The following GRIA2 variants were observed in gnomAD, a reference collection of about 807,000 sequenced individuals.
GRIA2 encodes the protein glutamate ionotropic receptor AMPA type subunit 2, also known as glutamate receptor 2.
GRIA2 carries 14 observed loss-of-function variants against 97.3 expected under a neutral mutation model. That is an observed-to-expected ratio of 0.14 (90% CI 0.10 to 0.23). The LOEUF (loss-of-function observed/expected upper bound fraction) is 0.23. GRIA2 is among the 10% of genes least tolerant of loss of function. The pLI, the probability that GRIA2 is intolerant of heterozygous loss-of-function variation, is 1.00. For synonymous variants in GRIA2, 412 were observed against 387.8 expected (o/e 1.06, Z -0.73); for missense variants, 558 against 1,069.8 (o/e 0.52, Z 6.67).
At chr4:157,245,530 A>G (rs190479836) in intron 2 of GRIA2, among the ~76,000 whole-genome samples, 1 of 152,120 alleles carries the variant, frequency 6.6e-6, no homozygotes, top group Non-Finnish European at 1.5e-5. Flanking sequence ...AAATCTAATA[A>G]CTTTGGAAAA....
In GRIA2 at chr4:157,307,682, G is replaced by T. The variant is rs192078073; in HGVS notation, c.469+3891G>T. Among the ~76,000 whole-genome samples the T allele has an allele frequency of 2.7e-3, 405 of 152,290 alleles. 4 individuals are homozygous for T. The highest frequency in any genetic ancestry group is 9.2e-3 in the African/African-American group (382 of 41,564). On this transcript the variant is annotated intron_variant, in intron 3 of 15. Coordinates refer to ENST00000264426, the MANE Select transcript of GRIA2 (RefSeq NM_001083619.3). ...TGAATCAGGACTTAATCCAAATGTG[G>T]TTTTTATTTATTGGTTTAGTGTCAA...
intron 9 of GRIA2, 138 bp from the exon 10 acceptor site, chr4:157,335,533 T>G (rs1735243773): frequency 1.6e-6 from 1 of 629,010 alleles, no homozygotes; most frequent in Non-Finnish European, 2.8e-6. Context: ...ATTATTCCTC[T>G]ACTGTTGTGT....
chr4:157,248,779 AC>A (rs1421567132), intron 2 of GRIA2, among the ~76,000 whole-genome samples: 1 of 21,570 alleles, frequency 4.6e-5, no homozygotes, highest in Non-Finnish European at 8.1e-5. Context: ...CCTTTCTTTC[AC>A]TATATATATA....
rs369503645 is a variant in GRIA2, at chr4:157,362,790, A to G, written c.2407-9A>G. The stretch of plus-strand genomic sequence containing the variant: ...TTCCTAATAACCTCTTCTCATATAC[A>G]TTCTTTAGGAAAAGACCAGTGCCCT... On this transcript the variant is annotated splice_polypyrimidine_tract_variant and intron_variant, in intron 14 of 15. Transcript: ENST00000264426. 7.5e-6 allele frequency: 12 copies of G among 1,608,292 alleles called. No individual in the cohort carries two copies. The African/African-American group carries it at 1.2e-4, about 16-fold the overall frequency.
At chr4:157,332,020 A>G (rs1579370252) in intron 6 of GRIA2, among the ~76,000 whole-genome samples, 1 of 152,172 alleles carries the variant, frequency 6.6e-6, no homozygotes, top group East Asian at 1.9e-4. Context: ...AACGTTCAGT[A>G]AAACTTTAAT....
chr4:157,296,064 C>A (rs926161464), intron 2 of GRIA2, among the ~76,000 whole-genome samples: 6 of 152,078 alleles, frequency 3.9e-5, no homozygotes, highest in Non-Finnish European at 7.4e-5. Context: ...TTGCAGCTTG[C>A]GCTGTGTACT....
chr4:157,313,422 T>C (rs371172772), intron 4 of GRIA2, among the ~76,000 whole-genome samples: 3 of 152,288 alleles, frequency 2.0e-5, no homozygotes, highest in East Asian at 3.9e-4. Context: ...ACATTTGGGC[T>C]GTGTTTGCTA....
intron 3 of GRIA2, among the ~76,000 whole-genome samples, 196 bp from the exon 4 acceptor site, chr4:157,312,483 G>A (rs1734123295): frequency 6.6e-6 from 1 of 152,036 alleles, no homozygotes; most frequent in South Asian, 2.1e-4. Flanking sequence ...TAATATTTAG[G>A]TAATGAGTTT....
Position 157,304,989 on chromosome 4 carries a change from C to T in GRIA2, c.469+1198C>T, listed in dbSNP as rs995671081. On this transcript the variant is annotated intron_variant, in intron 3 of 15. Transcript: ENST00000264426. The stretch of plus-strand genomic sequence containing the variant: ...AAATTTGCTGTGTCAACAACTATGT[C>T]CCCCTGCTTTGAGAAGGGAGTGCTT... Among the ~76,000 whole-genome samples, 5 of 152,218 alleles carry T rather than the reference C, an allele frequency of 3.3e-5. No homozygotes were observed. In the East Asian group the frequency reaches 7.7e-4, roughly 24 times the overall value.
intron 2 of GRIA2, among the ~76,000 whole-genome samples, chr4:157,282,338 C>G (rs2126816353): frequency 6.6e-6 from 1 of 152,176 alleles, no homozygotes; most frequent in East Asian, 1.9e-4. Flanking sequence ...ACCATATGAC[C>G]TATGTCAACA....
In GRIA2 at chr4:157,353,924, C is replaced by A. The variant is rs181803429; in HGVS notation, c.2044-5972C>A. Among the ~76,000 whole-genome samples, 476 of 151,938 alleles carry A rather than the reference C, an allele frequency of 3.1e-3. 4 individuals carry two copies. Among genetic ancestry groups the A allele is most frequent in the African/African-American group, 0.011 (455 of 41,454 alleles). ...CTTTAAACTATTTTATTAACTGTAA[C>A]CCTTTATAAAAAACTAATTTATTAT... On this transcript the variant is annotated intron_variant, in intron 12 of 15. Transcript: ENST00000264426.
intron 3 of GRIA2, among the ~76,000 whole-genome samples, chr4:157,309,464 G>T (rs1733982164): frequency 6.7e-6 from 1 of 149,322 alleles, no homozygotes; most frequent in Non-Finnish European, 1.5e-5. Context: ...GAATTCTCCT[G>T]CCTCAGTCTT....
chr4:157,334,060 C>G lies in GRIA2; in HGVS notation c.1206C>G (p.Leu402=), dbSNP rs1560771164. The G allele has an allele frequency of 6.2e-7, 1 of 1,611,018 alleles. No homozygotes were observed. Among genetic ancestry groups the G allele is most frequent in the South Asian group, 1.1e-5 (1 of 91,008 alleles). ...AAATGGTTGTTACCCTTACTGAGCT[C>G]CCTTCTGGAAATGACACCTCTGGGC... is the stretch of plus-strand genomic sequence containing the variant. ...VDKMVVTLTE[L]PSGNDTSGLE... is the part of the protein sequence containing the mutation. The change falls in exon 9 of 16, where the codon CTC becomes CTG. Residue 402 remains leucine, a synonymous_variant. Transcript: ENST00000264426.
At chr4:157,323,196 G>A (rs1211723389) in intron 6 of GRIA2, among the ~76,000 whole-genome samples, 2 of 151,614 alleles carry the variant, frequency 1.3e-5, no homozygotes, top group Admixed American at 1.3e-4. Flanking sequence ...TTAGCCGGGC[G>A]TGGTGGCAGG....
intron 2 of GRIA2, among the ~76,000 whole-genome samples, chr4:157,284,554 T>C (rs1240574406): frequency 6.6e-6 from 1 of 151,752 alleles, no homozygotes; most frequent in Non-Finnish European, 1.5e-5. Context: ...ACCAATACAA[T>C]TGAGATGTCT....
intron 4 of GRIA2, among the ~76,000 whole-genome samples, chr4:157,315,316 T>C (rs985251035): frequency 6.6e-6 from 1 of 150,570 alleles, no homozygotes; most frequent in Non-Finnish European, 1.5e-5. Flanking sequence ...AGAATTAATT[T>C]AGATTGGGAT....
Position 157,319,127 on chromosome 4 carries a change from G to T in GRIA2, c.720+1416G>T, listed in dbSNP as rs565738034. On this transcript the variant is annotated intron_variant, in intron 5 of 15. Coordinates refer to ENST00000264426, the MANE Select transcript of GRIA2 (RefSeq NM_001083619.3). ...CTTTAGAGTGTATTAAGATGCTAAG[G>T]ACTCCCTGAAGAGAAACAAGAGTTA... Among the ~76,000 whole-genome samples, 11 of 152,184 alleles carry T rather than the reference G, an allele frequency of 7.2e-5. No individual in the cohort carries two copies. In the South Asian group the frequency reaches 8.3e-4, roughly 11 times the overall value.
At chr4:157,362,376 C>T in intron 14 of GRIA2, 1 of 456,808 alleles carries the variant, frequency 2.2e-6, no homozygotes, top group South Asian at 1.5e-5. Context: ...ACATTTAAAA[C>T]TTGCTTCTAC....
chr4:157,261,548 A>G (rs1731535377), intron 2 of GRIA2, among the ~76,000 whole-genome samples: 1 of 152,170 alleles, frequency 6.6e-6, no homozygotes, highest in Non-Finnish European at 1.5e-5. Context: ...GACTAAACTT[A>G]TTTAGCTAAG....
Sources: gnomAD v4.1 joint callset for allele counts (sites outside exome capture counted in the v4.1 genomes callset) on GRCh38, gnomAD v4.1.1 for gene constraint, MANE v1.5 for transcripts, NCBI Gene and HGNC (gene_info 2026-07-23, HGNC 2026-07-21) for gene names.